ZNF23: variants seen among roughly 807,000 people sequenced by gnomAD.
ZNF23 encodes zinc finger protein 23.
ZNF23 carries 48 observed loss-of-function variants against 56.2 expected under a neutral mutation model. The observed-to-expected ratio is 0.85, with a 90% CI of 0.68 to 1.09. The LOEUF (loss-of-function observed/expected upper bound fraction) is 1.09, where lower values mean the gene tolerates loss of function less well. Among genes scored for constraint, ZNF23 ranks in the 50% least tolerant of loss-of-function variants. The pLI, the probability that ZNF23 is intolerant of heterozygous loss-of-function variation, is 0.00. For synonymous variants in ZNF23, 266 were observed against 283.3 expected (o/e 0.94, Z 0.61); for missense variants, 805 against 811.4 (o/e 0.99, Z 0.10).
Position 71,449,655 on chromosome 16 carries a change from G to C in ZNF23, c.499C>G (p.Gln167Glu), listed in dbSNP as rs934011288. 4.3e-6 allele frequency: 7 copies of C among 1,613,638 alleles called. No homozygotes were observed. Among genetic ancestry groups the C allele is most frequent in the Middle Eastern group, 1.7e-4 (1 of 6,060 alleles). Residue 167 changes from glutamine (Q) to glutamate (E), a missense_variant, in exon 5 of 5, where the codon CAA (glutamine) becomes GAA (glutamate). Physicochemically the swap from Gln to Glu is conservative, Grantham distance 29. Transcript: ENST00000647773. ...TSPVEECFFS[Q>E]SSNSYQCHTI... ...TGACACTGATATGAGTTTGAACTTT[G>C]ACTAAAAAAACACTCCTCCACGGGG... is the stretch of plus-strand genomic sequence containing the variant.
rs376636920 is a variant in ZNF23, at chr16:71,453,370, T to C, written c.161-20A>G. 1.3e-6 allele frequency: 2 copies of C among 1,535,022 alleles called. No individual in the cohort carries two copies. Among genetic ancestry groups the C allele is most frequent in the Non-Finnish European group, 1.8e-6 (2 of 1,124,860 alleles). ...GAAATCCTGGTTTGGGAGAGGTAAA[T>C]AGGAGAGACAGATGAATAAACTCCC... On this transcript the variant is annotated intron_variant, in intron 3 of 4. Coordinates refer to ENST00000647773, the MANE Select transcript of ZNF23 (RefSeq NM_001381984.1).
chr16:71,449,747 TG>T lies in ZNF23; in HGVS notation c.406del (p.His136ThrfsTer6). Reference protein sequence around the residue: ...ASLLEKQQEVHSAGNIKKEKS... With the variant: ...ASLLEKQQEVXSAGNIKKEKS... ...CTCCTTCTTTATATTTCCTGCTGAG[TG>T]GACTTCCTGTTGTTTCTCTAGAAGA... On this transcript the variant is annotated frameshift_variant, in exon 5 of 5. Transcript: ENST00000647773. LOFTEE classifies it high-confidence loss of function. 1 of 1,614,092 alleles carries T rather than the reference TG, an allele frequency of 6.2e-7. No individual in the cohort carries two copies. Among genetic ancestry groups the T allele is most frequent in the Non-Finnish European group, 8.5e-7 (1 of 1,180,018 alleles).
intron 3 of ZNF23, chr16:71,453,666 G>A (rs2043130084): frequency 4.2e-6 from 2 of 471,018 alleles, no homozygotes; most frequent in African/African-American, 2.0e-5. Flanking sequence ...TGCCCAAAGG[G>A]ATACCACTTT....
intron 4 of ZNF23, chr16:71,450,325 A>C (rs2043010478): frequency 1.9e-5 from 3 of 160,524 alleles, no homozygotes; most frequent in African/African-American, 7.4e-5. Context: ...AATATTATGA[A>C]AGTAATGAAA....
rs781722185 is a variant in ZNF23 at position 71,454,024 on chromosome 16, AG to A, written c.160+17del. On this transcript the variant is annotated intron_variant, in intron 3 of 4. Coordinates refer to ENST00000647773, the MANE Select transcript of ZNF23 (RefSeq NM_001381984.1). ...CCCAATTGGCAGATTCCAGGTTCCC[AG>A]GGTAGAGAGGTCTTACCCAGGGAGG... is the stretch of plus-strand genomic sequence containing the variant. 6.2e-7 allele frequency: 1 copy of A among 1,613,850 alleles called. No individual in the cohort carries two copies. The highest frequency in any genetic ancestry group is 1.3e-5 in the African/African-American group (1 of 75,064).
At position 71,448,322 on chromosome 16, in the gene ZNF23, G is replaced by C. The variant is rs1198493369; in HGVS notation, c.1832C>G (p.Ala611Gly). The C allele has an allele frequency of 3.7e-6, 6 of 1,613,906 alleles. No individual in the cohort carries two copies. Among genetic ancestry groups the C allele is most frequent in the South Asian group, 3.3e-5 (3 of 91,084 alleles). The change falls in exon 5 of 5, where the codon GCC becomes GGC. Residue 611 changes from alanine to glycine, a missense_variant. Transcript: ENST00000647773. ...KPFQCKECGK[A>G]FHVNAHLIRH... ...AATTAAATGGGCATTAACATGGAAG[G>C]CTTTTCCACACTCCTTACACTGAAA...
At chr16:71,460,389 G>C (rs1772264587) in intron 1 of ZNF23, among the ~76,000 whole-genome samples, 1 of 151,766 alleles carries the variant, frequency 6.6e-6, no homozygotes, top group Non-Finnish European at 1.5e-5. Context: ...CATAATCCTT[G>C]ATTACTTTTA....
chr16:71,453,171 T>A (rs2043110405), intron 4 of ZNF23, 72 bp downstream of exon 4: 1 of 1,095,856 alleles, frequency 9.1e-7, no homozygotes. Context: ...AGTATGTTTA[T>A]ATGTTGCTAA....
At chr16:71,458,229 CTT>C (rs2145127636) in intron 1 of ZNF23, among the ~76,000 whole-genome samples, 1 of 152,320 alleles carries the variant, frequency 6.6e-6, no homozygotes, top group Admixed American at 6.5e-5. Flanking sequence ...CCCAGAGCCT[CTT>C]GTTCACTGTA....
chr16:71,457,397 T>C (rs35837657), intron 1 of ZNF23, among the ~76,000 whole-genome samples: 16,787 of 152,234 alleles, frequency 0.11, 1,132 homozygotes, highest in Middle Eastern at 0.22. Flanking sequence ...ACCCCGTCTC[T>C]ACTAAAAATA....
At chr16:71,456,313 C>A (rs1609869) in intron 2 of ZNF23, among the ~76,000 whole-genome samples, 34,846 of 152,020 alleles carry the variant, frequency 0.23, 5,176 homozygotes, top group South Asian at 0.52. Flanking sequence ...CTTGACTCCA[C>A]TCCCTGTGAC....
chr16:71,449,581 G>A lies in ZNF23; in HGVS notation c.573C>T (p.Ser191=), dbSNP rs1003571479. The A allele has an allele frequency of 6.2e-7, 1 of 1,614,060 alleles. No homozygotes were observed. The highest frequency in any genetic ancestry group is 8.5e-7 in the Non-Finnish European group (1 of 1,180,022). ...QPSGCTGLGK[S]ISFDTKLVKH... Reference sequence around the variant, plus strand: ...TCACGAGTTTTGTATCAAAGCTGATGGATTTCCCCAATCCTGTACACCCAG... The same window carrying A: ...TCACGAGTTTTGTATCAAAGCTGATAGATTTCCCCAATCCTGTACACCCAG... Residue 191 remains serine, a synonymous_variant, in exon 5 of 5, where the codon TCC becomes TCT. Transcript: ENST00000647773.
chr16:71,447,957 G>T lies in ZNF23; in HGVS notation c.*136C>A. The T allele has an allele frequency of 1.6e-6, 1 of 616,020 alleles. No homozygotes were observed. The highest frequency in any genetic ancestry group is 2.6e-6 in the Non-Finnish European group (1 of 385,930). The allele number at this position is 616,020 out of a possible 1,614,324, so 38.2% of individuals were successfully genotyped here. On this transcript the variant is annotated 3_prime_UTR_variant, in exon 5 of 5. Transcript: ENST00000647773. ...TGGTCATCCTTTCCTGATTTAAACTGAATAGAATAAAAACTGTTTCCATAT... is the reference window on the plus strand; with the variant it reads ...TGGTCATCCTTTCCTGATTTAAACTTAATAGAATAAAAACTGTTTCCATAT...
rs892774976 is a variant in ZNF23, at chr16:71,454,172, A to C, written c.34-4T>G. On this transcript the variant is annotated splice_polypyrimidine_tract_variant and splice_region_variant and intron_variant, in intron 2 of 4. Transcript: ENST00000647773. ...CGTCCTCAAAGGTCACCGACTTCTG[A>C]AACAATAGGTTCCTGCTGCCCTAGG... 1.2e-6 allele frequency: 2 copies of C among 1,612,268 alleles called. No individual in the cohort carries two copies. Among genetic ancestry groups the C allele is most frequent in the Non-Finnish European group, 1.7e-6 (2 of 1,179,370 alleles).
chr16:71,448,529 G>C lies in ZNF23; in HGVS notation c.1625C>G (p.Thr542Ser). 2 of 1,614,098 alleles carry C rather than the reference G, an allele frequency of 1.2e-6. No individual in the cohort carries two copies. Among genetic ancestry groups the C allele is most frequent in the Middle Eastern group, 1.6e-4 (1 of 6,062 alleles). The change falls in exon 5 of 5, where the codon ACT becomes AGT. Residue 542 changes from threonine (T) to serine (S), a missense_variant. Transcript: ENST00000647773. The stretch of plus-strand genomic sequence containing the variant: ...CTTACATTGATAGGGCTTTTCTCCA[G>C]TATGGATTCGGTGATGATCAAGTAG... ...RNLLDHHRIH[T>S]GEKPYQCKEC...
intron 1 of ZNF23, among the ~76,000 whole-genome samples, chr16:71,460,912 A>C (rs1401497177): frequency 6.6e-6 from 1 of 152,214 alleles, no homozygotes; most frequent in Non-Finnish European, 1.5e-5. Flanking sequence ...TCCATTGAAA[A>C]TACATCGATA....
chr16:71,454,161 A>G lies in ZNF23; in HGVS notation c.41T>C (p.Val14Ala). 1 of 1,613,094 alleles carries G rather than the reference A, an allele frequency of 6.2e-7. No individual in the cohort carries two copies. The highest frequency in any genetic ancestry group is 8.5e-7 in the Non-Finnish European group (1 of 1,179,658). ...MHLTAWPQKS[V>A]TFEDVAVYFT... ...GTACACAGCCACGTCCTCAAAGGTC[A>G]CCGACTTCTGAAACAATAGGTTCCT... The change falls in exon 3 of 5, where the codon GTG becomes GCG. Residue 14 changes from valine (V) to alanine (A), a missense_variant. Physicochemically the swap from Val to Ala is moderately conservative, Grantham distance 64 (BLOSUM62 0). Transcript: ENST00000647773.
rs747042435 is a variant in ZNF23, at chr16:71,448,683, A to C, written c.1471T>G (p.Tyr491Asp). Residue 491 changes from tyrosine to aspartate, a missense_variant, in exon 5 of 5, where the codon TAT (tyrosine) becomes GAT (aspartate). Physicochemically the swap from Tyr to Asp is radical, Grantham distance 160. Coordinates refer to ENST00000647773, the MANE Select transcript of ZNF23 (RefSeq NM_001381984.1). ...HLRIHTGEKP[Y>D]ECNECGKAFS... is the part of the protein sequence containing the mutation. ...GCCTTTCCACACTCATTACACTCAT[A>C]GGGCTTCTCCCCAGTGTGAATTCTC... 2.5e-6 allele frequency: 4 copies of C among 1,614,212 alleles called. No individual in the cohort carries two copies. In the South Asian group the frequency reaches 4.4e-5, roughly 18 times the overall value.
chr16:71,454,004 T>A, intron 3 of ZNF23, 38 bp downstream of exon 3: 2 of 1,611,274 alleles, frequency 1.2e-6, no homozygotes, highest in Non-Finnish European at 8.5e-7. Context: ...GGAACCCCAA[T>A]TGGCAGATTC....
Sources: allele counts gnomAD v4.1 joint callset (sites outside exome capture counted in the v4.1 genomes callset), GRCh38; gene constraint gnomAD v4.1.1; transcripts MANE v1.5; gene names NCBI Gene and HGNC (gene_info 2026-07-23, HGNC 2026-07-21).